The following HTN3 variants were observed in gnomAD, a reference collection of about 807,000 sequenced individuals.
HTN3 encodes the protein histatin-3.
A neutral mutation model predicts 10.6 loss-of-function variants in HTN3; 15 were observed. The observed-to-expected ratio is 1.42, with a 90% CI of 0.95 to 2.18. The LOEUF (loss-of-function observed/expected upper bound fraction) is 2.18, where lower values mean the gene tolerates loss of function less well. Among genes scored for constraint, HTN3 ranks in the 30% most tolerant of loss-of-function variants. The pLI is 0.00. For missense variants in HTN3, 68 were observed against 58.0 expected (o/e 1.17, Z -0.56); for synonymous variants, 15 against 16.9 (o/e 0.89, Z 0.27).
At chr4:70,031,919 C>G (rs1345051586) in intron 2 of HTN3, 60 bp from the exon 3 acceptor site, 1 of 1,187,264 alleles carries the variant, frequency 8.4e-7, no homozygotes, top group Admixed American at 1.9e-5. Context: ...AATTTTTACA[C>G]ATATTCTTGA....
intron 5 of HTN3, 59 bp downstream of exon 5, chr4:70,033,312 G>T: frequency 1.2e-6 from 1 of 809,806 alleles, no homozygotes; most frequent in Non-Finnish European, 2.0e-6. Flanking sequence ...GTTAAAACAA[G>T]GAAAAATTAA....
rs1725319109 is a variant in HTN3 at position 70,029,316 on chromosome 4, G to A, written c.-14+800G>A. ...AGTCATAATTTGATTTATCTATTAG[G>A]TAATAGAAAAACTTCAAGAAATATA... On this transcript the variant is annotated intron_variant, in intron 1 of 5. Transcript: ENST00000673563. Among the ~76,000 whole-genome samples the A allele has an allele frequency of 2.0e-5, 3 of 151,696 alleles. No individual in the cohort carries two copies. The South Asian group carries it at 6.2e-4, about 31-fold the overall frequency.
At position 70,028,508 on chromosome 4, in the gene HTN3, G is replaced by A. The variant is rs2109705040; in HGVS notation, c.-22G>A. 6.6e-6 allele frequency: 1 copy of A among 152,176 alleles called. No homozygotes were observed. Among genetic ancestry groups the A allele is most frequent in the East Asian group, 1.9e-4 (1 of 5,176 alleles). 9.4% of individuals were successfully genotyped at this position (152,176 alleles called of 1,614,324 possible). On this transcript the variant is annotated 5_prime_UTR_variant, in exon 1 of 6. Coordinates refer to ENST00000673563, the MANE Select transcript of HTN3 (RefSeq NM_000200.3). ...TCACTGACTTCTGGATTCTCCTCTT[G>A]AGTAAAAGGTAACATGTTCAAGTAC...
At position 70,033,223 on chromosome 4, in the gene HTN3, T is replaced by A. The variant is rs776851; in HGVS notation, c.*3T>A. ...CAAATTATCTGTATGACAATTGATA[T>A]CTTCAGTAATCACGGGGCATGATTA... On this transcript the variant is annotated 3_prime_UTR_variant, in exon 5 of 6. Transcript: ENST00000673563. 13,587 of 1,573,574 alleles carry A rather than the reference T, an allele frequency of 8.6e-3. 571 individuals are homozygous for A. The African/African-American group carries it at 0.11, about 13-fold the overall frequency.
At chr4:70,035,093 C>T (rs1232718539) in intron 5 of HTN3, among the ~76,000 whole-genome samples, 1 of 152,122 alleles carries the variant, frequency 6.6e-6, no homozygotes, top group Non-Finnish European at 1.5e-5. Context: ...TGCAGCAAAC[C>T]ACCATGGCAC....
At position 70,035,362 on chromosome 4, in the gene HTN3, C is replaced by T. The variant is rs555984256; in HGVS notation, c.*34-905C>T. Among the ~76,000 whole-genome samples, 17 of 152,190 alleles carry T rather than the reference C, an allele frequency of 1.1e-4. No individual in the cohort carries two copies. The South Asian group carries it at 3.5e-3, about 32-fold the overall frequency. The stretch of plus-strand genomic sequence containing the variant: ...AATACATGTTATAATAATACTTAAG[C>T]TCTTTATAGAATTTGTAGGGCTATT... On this transcript the variant is annotated intron_variant, in intron 5 of 5. Transcript: ENST00000673563.
chr4:70,030,986 C>A, intron 2 of HTN3, 195 bp downstream of exon 2: 1 of 449,406 alleles, frequency 2.2e-6, no homozygotes, highest in Non-Finnish European at 3.9e-6. Context: ...TACCTGCGAA[C>A]ACTCAAGTAC....
chr4:70,032,588 C>A (rs1725410543), intron 4 of HTN3, among the ~76,000 whole-genome samples: 1 of 151,852 alleles, frequency 6.6e-6, no homozygotes, highest in Admixed American at 6.6e-5. Flanking sequence ...ATAAAAATAT[C>A]ATATTATTTT....
intron 1 of HTN3, among the ~76,000 whole-genome samples, chr4:70,029,402 T>G (rs1725320768): frequency 6.6e-6 from 1 of 152,018 alleles, no homozygotes; most frequent in Non-Finnish European, 1.5e-5. Context: ...GCAAAATGAA[T>G]GAAGAAATAA....
intron 5 of HTN3, 77 bp from the exon 6 acceptor site, chr4:70,036,190 T>A (rs1343450147): frequency 6.6e-6 from 1 of 152,224 alleles, no homozygotes; most frequent in Non-Finnish European, 1.5e-5. Flanking sequence ...ATAAATACTT[T>A]GTACCAGGAA....
At chr4:70,036,052 T>G (rs927154545) in intron 5 of HTN3, among the ~76,000 whole-genome samples, 1 of 152,170 alleles carries the variant, frequency 6.6e-6, no homozygotes, top group African/African-American at 2.4e-5. Flanking sequence ...AAATTTAAAT[T>G]GCAGATGCTG....
intron 5 of HTN3, among the ~76,000 whole-genome samples, chr4:70,035,180 A>C (rs557563283): frequency 6.6e-6 from 1 of 152,202 alleles, no homozygotes; most frequent in Non-Finnish European, 1.5e-5. Flanking sequence ...CATAAAATAA[A>C]ATAAAAATGC....
At chr4:70,031,920 A>G in intron 2 of HTN3, 59 bp from the exon 3 acceptor site, 1 of 1,208,096 alleles carries the variant, frequency 8.3e-7, no homozygotes, top group Non-Finnish European at 1.2e-6. Flanking sequence ...ATTTTTACAC[A>G]TATTCTTGAA....
chr4:70,030,553 A>G (rs1281507890), intron 1 of HTN3, among the ~76,000 whole-genome samples, 175 bp from the exon 2 acceptor site: 1 of 152,130 alleles, frequency 6.6e-6, no homozygotes, highest in Non-Finnish European at 1.5e-5. Context: ...AAGTGGGAGG[A>G]TGGCTTGAGC....
chr4:70,031,683 C>A (rs1300850580), intron 2 of HTN3, among the ~76,000 whole-genome samples: 2 of 152,070 alleles, frequency 1.3e-5, no homozygotes, highest in Non-Finnish European at 2.9e-5. Context: ...TCCAATGTTT[C>A]ATTTTTCAGT....
At chr4:70,030,628 A>C (rs1342993112) in intron 1 of HTN3, 100 bp from the exon 2 acceptor site, 17 of 819,020 alleles carry the variant, frequency 2.1e-5, no homozygotes, top group Non-Finnish European at 3.3e-5. Context: ...AAAACAGAGC[A>C]TGTCTCCCAA....
At chr4:70,032,528 T>C (rs888817237) in intron 4 of HTN3, among the ~76,000 whole-genome samples, 5 of 152,086 alleles carry the variant, frequency 3.3e-5, no homozygotes, top group African/African-American at 1.2e-4. Flanking sequence ...TTAAACTTAC[T>C]GTGCTAAATT....
intron 1 of HTN3, 147 bp from the exon 2 acceptor site, chr4:70,030,581 C>A (rs1578173330): frequency 1.6e-6 from 1 of 615,558 alleles, no homozygotes; most frequent in East Asian, 2.9e-5. Flanking sequence ...GTCCAGGATG[C>A]AGTGATCTGT....
Position 70,032,829 on chromosome 4 carries a change from G to A in HTN3, c.103-338G>A, listed in dbSNP as rs559238610. Among the ~76,000 whole-genome samples the A allele has an allele frequency of 4.6e-5, 7 of 152,088 alleles. No individual in the cohort carries two copies. In the South Asian group the frequency reaches 6.2e-4, roughly 14 times the overall value. On this transcript the variant is annotated intron_variant, in intron 4 of 5. Coordinates refer to ENST00000673563, the MANE Select transcript of HTN3 (RefSeq NM_000200.3). The stretch of plus-strand genomic sequence containing the variant: ...TGGAAACGGTAACTTTCTCCTCCCC[G>A]TTATACTCAATGTTGGGCAAAATAG...
Sources: allele counts gnomAD v4.1 joint callset (sites outside exome capture counted in the v4.1 genomes callset), GRCh38; gene constraint gnomAD v4.1.1; transcripts MANE v1.5; gene names NCBI Gene and HGNC (gene_info 2026-07-23, HGNC 2026-07-21).